Variants in PCDH9 observed in about 807,000 individuals in gnomAD.
PCDH9 encodes protocadherin 9.
PCDH9 carries 24 observed loss-of-function variants against 70.6 expected under a neutral mutation model. The observed-to-expected ratio is 0.34, with a 90% CI of 0.25 to 0.48. The LOEUF (loss-of-function observed/expected upper bound fraction) is 0.48, where lower values mean the gene tolerates loss of function less well. Among genes scored for constraint, PCDH9 ranks in the 20% least tolerant of loss-of-function variants. The probability of loss-of-function intolerance (pLI) is 0.99; values close to 1 mark genes in which losing one functional copy is unlikely to be tolerated. For missense variants in PCDH9, 1,281 were observed against 1,503.6 expected (o/e 0.85, Z 2.45); for synonymous variants, 562 against 558.5 (o/e 1.01, Z -0.09).
intron 4 of PCDH9, among the ~76,000 whole-genome samples, chr13:66,326,964 C>A (rs190022001): frequency 5.9e-5 from 9 of 152,086 alleles, no homozygotes; most frequent in African/African-American, 2.2e-4. Context: ...GGGCTTCTTG[C>A]CTCCAAACGA....
intron 3 of PCDH9, among the ~76,000 whole-genome samples, chr13:66,850,357 A>G (rs766149360): frequency 1.3e-5 from 2 of 152,112 alleles, no homozygotes; most frequent in Non-Finnish European, 2.9e-5. Flanking sequence ...CATCTCTACT[A>G]AAAATGCAGA....
At chr13:66,863,646 C>T (rs1358876745) in intron 3 of PCDH9, among the ~76,000 whole-genome samples, 1 of 151,984 alleles carries the variant, frequency 6.6e-6, no homozygotes, top group Non-Finnish European at 1.5e-5. Flanking sequence ...CCACCATGCC[C>T]AGCTAATTTG....
chr13:66,625,587 A>T (rs965330556), intron 4 of PCDH9, among the ~76,000 whole-genome samples: 2 of 151,774 alleles, frequency 1.3e-5, no homozygotes, highest in African/African-American at 2.4e-5. Context: ...ATGTTAATAT[A>T]TGTTGGGTTT....
chr13:66,439,382 C>T (rs747257505), intron 4 of PCDH9, among the ~76,000 whole-genome samples: 8 of 152,114 alleles, frequency 5.3e-5, no homozygotes, highest in South Asian at 2.1e-4. Flanking sequence ...AAGATTTTAA[C>T]GGTTAAGAAT....
intron 2 of PCDH9, among the ~76,000 whole-genome samples, chr13:67,180,854 G>A (rs546139063): frequency 6.6e-6 from 1 of 152,238 alleles, no homozygotes; most frequent in East Asian, 1.9e-4. Context: ...TCACTGATAA[G>A]CAGATTATGA....
chr13:66,415,899 C>G (rs1957451868), intron 4 of PCDH9, among the ~76,000 whole-genome samples: 1 of 152,078 alleles, frequency 6.6e-6, no homozygotes, highest in African/African-American at 2.4e-5. Flanking sequence ...TCACATAATA[C>G]TTCCCTTTTT....
chr13:66,871,739 G>A (rs2081692610), intron 3 of PCDH9, among the ~76,000 whole-genome samples: 1 of 151,986 alleles, frequency 6.6e-6, no homozygotes, highest in Non-Finnish European at 1.5e-5. Flanking sequence ...GTTATATGAG[G>A]CAAATCTTGA....
chr13:66,334,302 G>C (rs1481118987), intron 4 of PCDH9, among the ~76,000 whole-genome samples: 1 of 152,012 alleles, frequency 6.6e-6, no homozygotes, highest in East Asian at 1.9e-4. Flanking sequence ...TTGGCTTTCT[G>C]TCTGCTCATG....
chr13:67,102,668 A>T (rs1225455865), intron 2 of PCDH9, among the ~76,000 whole-genome samples: 1 of 152,192 alleles, frequency 6.6e-6, no homozygotes, highest in Non-Finnish European at 1.5e-5. Flanking sequence ...TCTAATCTAA[A>T]AGTTTAAATA....
At chr13:66,834,376 A>G (rs139099102) in intron 3 of PCDH9, among the ~76,000 whole-genome samples, 1 of 152,096 alleles carries the variant, frequency 6.6e-6, no homozygotes, top group Non-Finnish European at 1.5e-5. Context: ...TGCTGACCTC[A>G]GGTGATCCAC....
intron 4 of PCDH9, among the ~76,000 whole-genome samples, chr13:66,447,574 T>C (rs1452617928): frequency 2.6e-5 from 4 of 152,150 alleles, no homozygotes; most frequent in Non-Finnish European, 5.9e-5. Context: ...AATCTATCTG[T>C]GGCAATTAGG....
chr13:66,353,594 C>T (rs909884164), intron 4 of PCDH9, among the ~76,000 whole-genome samples: 1 of 152,130 alleles, frequency 6.6e-6, no homozygotes, highest in African/African-American at 2.4e-5. Flanking sequence ...GTATACCTTT[C>T]AGTTTCTACT....
At chr13:66,791,911 C>T (rs2080169850) in intron 3 of PCDH9, among the ~76,000 whole-genome samples, 1 of 151,994 alleles carries the variant, frequency 6.6e-6, no homozygotes, top group South Asian at 2.1e-4. Flanking sequence ...ATTATGCACA[C>T]AAAAAATCTT....
chr13:67,069,899 A>G (rs1403560389), intron 2 of PCDH9, among the ~76,000 whole-genome samples: 1 of 152,092 alleles, frequency 6.6e-6, no homozygotes, highest in African/African-American at 2.4e-5. Flanking sequence ...ACATGAGAAT[A>G]TCATTCATCC....
At chr13:66,514,651 G>A (rs781742499) in intron 4 of PCDH9, among the ~76,000 whole-genome samples, 3 of 152,064 alleles carry the variant, frequency 2.0e-5, no homozygotes, top group Admixed American at 6.6e-5. Flanking sequence ...TGGCAGACAT[G>A]AGAAAACCTT....
At chr13:66,452,113 A>G (rs1958225474) in intron 4 of PCDH9, among the ~76,000 whole-genome samples, 1 of 152,160 alleles carries the variant, frequency 6.6e-6, no homozygotes, top group South Asian at 2.1e-4. Flanking sequence ...ATCAACTAAT[A>G]TCTGAAAGAA....
At chr13:67,220,017 T>C (rs1203792971) in intron 2 of PCDH9, 2 of 151,894 alleles carry the variant, frequency 1.3e-5, no homozygotes, top group Non-Finnish European at 2.9e-5. Context: ...CTGAGAAGTA[T>C]TGTAAAAGAG....
At chr13:66,580,410 C>A (rs767583599) in intron 4 of PCDH9, among the ~76,000 whole-genome samples, 8 of 151,836 alleles carry the variant, frequency 5.3e-5, no homozygotes, top group Non-Finnish European at 1.0e-4. Flanking sequence ...CCAATAAATG[C>A]TTGTTAAATA....
At chr13:66,363,579 A>G (rs1450542930) in intron 4 of PCDH9, among the ~76,000 whole-genome samples, 1 of 152,220 alleles carries the variant, frequency 6.6e-6, no homozygotes, top group African/African-American at 2.4e-5. Context: ...ATTATGTAGC[A>G]GACTATTACA....
Sources: gnomAD v4.1 joint callset for allele counts (sites outside exome capture counted in the v4.1 genomes callset) on GRCh38, gnomAD v4.1.1 for gene constraint, MANE v1.5 for transcripts, NCBI Gene and HGNC (gene_info 2026-07-23, HGNC 2026-07-21) for gene names.